The following KCNB2 variants were observed in gnomAD, a reference collection of about 807,000 sequenced individuals.
The protein encoded by KCNB2 is delayed rectifier potassium channel protein.
KCNB2 carries 15 observed loss-of-function variants against 61.5 expected under a neutral mutation model. That is an observed-to-expected ratio of 0.24 (90% CI 0.16 to 0.38). The LOEUF is 0.38. KCNB2 is among the 10% of genes least tolerant of loss of function. The pLI, the probability that KCNB2 is intolerant of heterozygous loss-of-function variation, is 1.00. For missense variants in KCNB2, 828 were observed against 1,125.2 expected (o/e 0.74, Z 3.78); for synonymous variants, 457 against 446.0 (o/e 1.02, Z -0.31).
intron 2 of KCNB2, among the ~76,000 whole-genome samples, chr8:72,576,431 A>C (rs1474265404): frequency 1.3e-5 from 2 of 152,224 alleles, no homozygotes; most frequent in Admixed American, 6.5e-5. Context: ...AAGGGAGATT[A>C]TGTGGCATAG....
chr8:72,677,809 T>C (rs545124626), intron 2 of KCNB2, among the ~76,000 whole-genome samples: 1 of 152,304 alleles, frequency 6.6e-6, no homozygotes, highest in South Asian at 2.1e-4. Context: ...AAACAAATAG[T>C]GGAGTGCTTC....
intron 2 of KCNB2, among the ~76,000 whole-genome samples, chr8:72,912,736 G>A (rs1479535614): frequency 6.6e-6 from 1 of 152,020 alleles, no homozygotes; most frequent in South Asian, 2.1e-4. Context: ...ATCAGGTAAT[G>A]AGAGGCAGTG....
At chr8:72,618,161 C>T (rs1018049263) in intron 2 of KCNB2, among the ~76,000 whole-genome samples, 5 of 151,880 alleles carry the variant, frequency 3.3e-5, no homozygotes, top group Non-Finnish European at 7.4e-5. Flanking sequence ...AGCTCATAAT[C>T]CTTGCAAGAT....
chr8:72,717,936 G>T (rs1807474397), intron 2 of KCNB2, among the ~76,000 whole-genome samples: 1 of 151,970 alleles, frequency 6.6e-6, no homozygotes, highest in South Asian at 2.1e-4. Context: ...CTAATATCCA[G>T]AATCTACAAT....
intron 2 of KCNB2, among the ~76,000 whole-genome samples, chr8:72,644,658 A>G (rs1397094852): frequency 6.6e-6 from 1 of 152,144 alleles, no homozygotes; most frequent in African/African-American, 2.4e-5. Context: ...TGTCAATTTA[A>G]TATGTGTCAA....
intron 2 of KCNB2, among the ~76,000 whole-genome samples, chr8:72,790,594 G>C (rs1808924805): frequency 6.6e-6 from 1 of 152,120 alleles, no homozygotes; most frequent in Non-Finnish European, 1.5e-5. Context: ...TGGCACTCGA[G>C]GGGAGGATTG....
chr8:72,584,869 A>G (rs1806979086), intron 2 of KCNB2, among the ~76,000 whole-genome samples: 1 of 152,170 alleles, frequency 6.6e-6, no homozygotes, highest in Non-Finnish European at 1.5e-5. Flanking sequence ...AAAAAAAATC[A>G]GAAACCCTTG....
At chr8:72,687,671 CT>C (rs1013246278) in intron 2 of KCNB2, among the ~76,000 whole-genome samples, 55 of 152,194 alleles carry the variant, frequency 3.6e-4, no homozygotes, top group Non-Finnish European at 1.2e-4. Context: ...TTCTTTCAAA[CT>C]AAAATTTTGT....
chr8:72,674,611 T>C (rs2128988453), intron 2 of KCNB2, among the ~76,000 whole-genome samples: 1 of 152,352 alleles, frequency 6.6e-6, no homozygotes, highest in East Asian at 1.9e-4. Context: ...ATAATAAGGA[T>C]GATGTGAAGT....
intron 2 of KCNB2, among the ~76,000 whole-genome samples, chr8:72,853,464 G>A (rs1810154840): frequency 6.6e-6 from 1 of 152,106 alleles, no homozygotes; most frequent in South Asian, 2.1e-4. Context: ...CTCCCCTTCT[G>A]CTGAAAGCAC....
intron 2 of KCNB2, among the ~76,000 whole-genome samples, chr8:72,575,047 G>A (rs1314895205): frequency 1.3e-5 from 2 of 152,206 alleles, no homozygotes; most frequent in Non-Finnish European, 2.9e-5. Flanking sequence ...GAGTTTATAG[G>A]AAATTTCCCA....
At chr8:72,553,299 A>G (rs1806374672) in intron 1 of KCNB2, among the ~76,000 whole-genome samples, 1 of 152,076 alleles carries the variant, frequency 6.6e-6, no homozygotes, top group African/African-American at 2.4e-5. Context: ...GAAATTGCCC[A>G]TTTGTCTGAC....
intron 2 of KCNB2, among the ~76,000 whole-genome samples, chr8:72,589,855 A>G (rs1431459665): frequency 2.0e-5 from 3 of 152,230 alleles, no homozygotes; most frequent in Non-Finnish European, 2.9e-5. Context: ...TGATTATACA[A>G]CTAAGGGCAG....
intron 2 of KCNB2, among the ~76,000 whole-genome samples, chr8:72,592,869 C>A (rs949037200): frequency 6.6e-6 from 1 of 152,068 alleles, no homozygotes; most frequent in South Asian, 2.1e-4. Flanking sequence ...CATACCTTGG[C>A]AAAACCAAAA....
chr8:72,865,629 G>A (rs756190752), intron 2 of KCNB2, among the ~76,000 whole-genome samples: 1 of 152,006 alleles, frequency 6.6e-6, no homozygotes. Flanking sequence ...AGAGCCATTC[G>A]CAGAACTCCG....
chr8:72,553,146 C>G (rs528076852), intron 1 of KCNB2, among the ~76,000 whole-genome samples: 1 of 152,220 alleles, frequency 6.6e-6, no homozygotes, highest in East Asian at 1.9e-4. Flanking sequence ...GATGATAGCT[C>G]TTGGCTTGCT....
chr8:72,882,556 A>AGAGAGAGAGAGAGAG (rs10691208), intron 2 of KCNB2, among the ~76,000 whole-genome samples: 125 of 142,704 alleles, frequency 8.8e-4, no homozygotes, highest in Non-Finnish European at 1.2e-3. Context: ...AGAGAGAGAG[A>AGAGAGAGAGAGAGAG]ATGTGTGTCT....
intron 2 of KCNB2, among the ~76,000 whole-genome samples, chr8:72,719,582 C>T (rs2128992639): frequency 6.6e-6 from 1 of 152,178 alleles, no homozygotes; most frequent in South Asian, 2.1e-4. Flanking sequence ...TTACCTCTTA[C>T]TTTTCTATCT....
chr8:72,916,110 T>C lies in KCNB2; in HGVS notation c.580-19825T>C, dbSNP rs1005877600. Among the ~76,000 whole-genome samples, 11 of 152,320 alleles carry C rather than the reference T, an allele frequency of 7.2e-5. 1 individual carries two copies. The South Asian group carries it at 2.1e-3, about 29-fold the overall frequency. On this transcript the variant is annotated intron_variant, in intron 2 of 2. Transcript: ENST00000523207. ...GACCATTTCTAAGCCAGGAGATCCATGGAGTGGATCCAGGAGATCTTGGGA... is the reference window on the plus strand; with the variant it reads ...GACCATTTCTAAGCCAGGAGATCCACGGAGTGGATCCAGGAGATCTTGGGA...
Sources: gnomAD v4.1 joint callset for allele counts (sites outside exome capture counted in the v4.1 genomes callset) on GRCh38, gnomAD v4.1.1 for gene constraint, MANE v1.5 for transcripts, NCBI Gene and HGNC (gene_info 2026-07-23, HGNC 2026-07-21) for gene names.